The following FANCA variants were observed in gnomAD, a reference collection of about 807,000 sequenced individuals.
FANCA encodes the protein FA complementation group A, also known as Fanconi anemia group A protein.
A neutral mutation model predicts 194.3 loss-of-function variants in FANCA; 236 were observed. That is an observed-to-expected ratio of 1.21 (90% CI 1.09 to 1.35). The LOEUF (loss-of-function observed/expected upper bound fraction) is 1.35, where lower values mean the gene tolerates loss of function less well. Ranked by LOEUF, FANCA falls within the 40% of genes most tolerant of loss-of-function variation. The pLI, the probability that FANCA is intolerant of heterozygous loss-of-function variation, is 0.00. For synonymous variants in FANCA, 1,014 were observed against 715.8 expected, an observed-to-expected ratio of 1.42 and a Z score of -6.65; for missense variants, 2,628 against 1,813.9, an observed-to-expected ratio of 1.45 and a Z score of -8.15.
chr16:89,762,576 A>AAAAG (rs2038988722), intron 28 of FANCA: 1 of 222,792 alleles, frequency 4.5e-6, no homozygotes, highest in East Asian at 1.6e-4. Flanking sequence ...AAGGAAAAAA[A>AAAAG]AAAAAAAGAA....
intron 30 of FANCA, among the ~76,000 whole-genome samples, chr16:89,754,508 T>C (rs1036115885): frequency 3.3e-5 from 5 of 152,030 alleles, no homozygotes; most frequent in African/African-American, 1.2e-4. Flanking sequence ...AAGTAACGGA[T>C]TACAGGAGCC....
chr16:89,741,088 G>C (rs547194955), intron 37 of FANCA, among the ~76,000 whole-genome samples: 1 of 152,312 alleles, frequency 6.6e-6, no homozygotes, highest in Non-Finnish European at 1.5e-5. Context: ...AACAAAGCTA[G>C]AAACAGTTTG....
intron 11 of FANCA, among the ~76,000 whole-genome samples, chr16:89,792,921 A>G (rs2143537990): frequency 6.6e-6 from 1 of 152,274 alleles, no homozygotes; most frequent in South Asian, 2.1e-4. Flanking sequence ...AGAGACAAAG[A>G]CAGCTTATGC....
At chr16:89,761,836 G>A (rs2038963170) in intron 29 of FANCA, 113 bp downstream of exon 29, 1 of 853,242 alleles carries the variant, frequency 1.2e-6, no homozygotes, top group Non-Finnish European at 2.0e-6. Context: ...ATGTTGCCCA[G>A]GCTGACCTCA....
intron 8 of FANCA, among the ~76,000 whole-genome samples, chr16:89,799,894 T>A (rs908654669): frequency 6.6e-6 from 1 of 152,168 alleles, no homozygotes; most frequent in Non-Finnish European, 1.5e-5. Context: ...CTCGGGAGGC[T>A]GAGGCAGGAG....
chr16:89,809,037 C>A (rs936489616), intron 5 of FANCA, among the ~76,000 whole-genome samples: 1 of 152,014 alleles, frequency 6.6e-6, no homozygotes, highest in Non-Finnish European at 1.5e-5. Flanking sequence ...TCCTGAGTAG[C>A]TGGGACTACA....
In FANCA at chr16:89,761,942, C is replaced by A; in HGVS notation, c.2852+7G>T. The A allele has an allele frequency of 1.2e-6, 2 of 1,612,468 alleles. No homozygotes were observed. The stretch of plus-strand genomic sequence containing the variant: ...GCCTGGCCAGGGTAGCTCTTTTCAA[C>A]ACTTACCGTTCAGTATCTGAAAGAG... On this transcript the variant is annotated splice_region_variant and intron_variant, in intron 29 of 42. Coordinates refer to ENST00000389301, the MANE Select transcript of FANCA (RefSeq NM_000135.4).
rs17227424 is a variant in FANCA at position 89,738,216 on chromosome 16, G to C, written c.*385C>G. On this transcript the variant is annotated 3_prime_UTR_variant, in exon 43 of 43. Coordinates refer to ENST00000389301, the MANE Select transcript of FANCA (RefSeq NM_000135.4). ...CACCGAGCCCCTCTGTGACCACAGA[G>C]GGCCAGGCGGTGAAGCCCGAACCCA... 63,544 of 1,609,330 alleles carry C rather than the reference G, an allele frequency of 0.039. 1,627 individuals are homozygous for C. Among genetic ancestry groups the C allele is most frequent in the East Asian group, 0.11 (5,059 of 44,526 alleles).
At chr16:89,793,769 G>C (rs2040155402) in intron 11 of FANCA, among the ~76,000 whole-genome samples, 1 of 151,506 alleles carries the variant, frequency 6.6e-6, no homozygotes, top group South Asian at 2.1e-4. Flanking sequence ...TTATTTTTTT[G>C]ATGCTGAGTC....
chr16:89,792,781 T>C (rs960708695), intron 11 of FANCA: 19 of 465,914 alleles, frequency 4.1e-5, no homozygotes, highest in Admixed American at 9.3e-5. Flanking sequence ...TGTGCTGTTA[T>C]TTATTGGATA....
At chr16:89,792,101 C>T in intron 12 of FANCA, 33 bp from the exon 13 acceptor site, 1 of 1,613,984 alleles carries the variant, frequency 6.2e-7, no homozygotes, top group Non-Finnish European at 8.5e-7. Flanking sequence ...CTTCAATATC[C>T]AAGCAAACCA....
intron 5 of FANCA, among the ~76,000 whole-genome samples, 160 bp from the exon 6 acceptor site, chr16:89,808,527 C>CT (rs1217894233): frequency 3.9e-5 from 6 of 152,198 alleles, no homozygotes; most frequent in Admixed American, 1.3e-4. Flanking sequence ...TGAAACACAT[C>CT]TTTTTTTACA....
At chr16:89,764,428 C>T (rs1435977505) in intron 28 of FANCA, among the ~76,000 whole-genome samples, 3 of 152,070 alleles carry the variant, frequency 2.0e-5, no homozygotes, top group Non-Finnish European at 2.9e-5. Flanking sequence ...GCCTCAGCCT[C>T]CCAAGTAGCT....
At chr16:89,775,037 C>T (rs1229316517) in intron 21 of FANCA, among the ~76,000 whole-genome samples, 4 of 151,762 alleles carry the variant, frequency 2.6e-5, no homozygotes, top group South Asian at 2.1e-4. Context: ...GAGGTTTCAG[C>T]GAGCCAAAAT....
intron 25 of FANCA, 26 bp from the exon 26 acceptor site, chr16:89,770,050 G>C (rs1598110342): frequency 1.2e-6 from 2 of 1,609,126 alleles, no homozygotes; most frequent in Middle Eastern, 1.7e-4. Context: ...GGGTGGCAGA[G>C]CAGACTGCCC....
intron 8 of FANCA, among the ~76,000 whole-genome samples, chr16:89,799,886 C>T (rs992646459): frequency 3.3e-5 from 5 of 152,110 alleles, no homozygotes; most frequent in Non-Finnish European, 4.4e-5. Flanking sequence ...CTCAGCTACT[C>T]GGGAGGCTGA....
chr16:89,797,257 G>A lies in FANCA; in HGVS notation c.894-1239C>T, dbSNP rs1280942239. Among the ~76,000 whole-genome samples the A allele has an allele frequency of 2.0e-5, 3 of 152,108 alleles. No homozygotes were observed. In the East Asian group the frequency reaches 5.8e-4, roughly 29 times the overall value. On this transcript the variant is annotated intron_variant, in intron 10 of 42. Transcript: ENST00000389301. ...GAGGCAGGAGAATCGCTTGAACCCA[G>A]GAGGCATAGGTTGTAGTAAACCGAG...
rs1350557471 is a variant in FANCA, at chr16:89,767,221, T to C, written c.2521A>G (p.Ile841Val). ...GAAAACTTGCAGAGAGAGTAAGAAA[T>C]TGCTGCTGTACAAAATCTGAAAACA... ...FFCLKFCTAA[I>V]SYSLCKFSSQ... The change falls in exon 27 of 43, where the codon ATT becomes GTT. Residue 841 changes from isoleucine (I) to valine (V), a missense_variant. Ile to Val is a conservative substitution (Grantham distance 29). Coordinates refer to ENST00000389301, the MANE Select transcript of FANCA (RefSeq NM_000135.4). 3.1e-6 allele frequency: 5 copies of C among 1,612,188 alleles called. No homozygotes were observed. The highest frequency in any genetic ancestry group is 2.2e-5 in the South Asian group (2 of 91,044).
At chr16:89,796,040 G>T (rs771660137) in intron 10 of FANCA, 22 bp from the exon 11 acceptor site, 2 of 1,595,352 alleles carry the variant, frequency 1.3e-6, no homozygotes, top group East Asian at 4.5e-5. Context: ...GCAGAAAGAG[G>T]GGTCAGGAAA....
Sources: gnomAD v4.1 joint callset for allele counts (sites outside exome capture counted in the v4.1 genomes callset) on GRCh38, gnomAD v4.1.1 for gene constraint, MANE v1.5 for transcripts, NCBI Gene and HGNC (gene_info 2026-07-23, HGNC 2026-07-21) for gene names.